NEO1: variants seen among roughly 807,000 people sequenced by gnomAD.
The protein encoded by NEO1 is neogenin 1.
A neutral mutation model predicts 159.7 loss-of-function variants in NEO1; 63 were observed. That is an observed-to-expected ratio of 0.39 (90% CI 0.32 to 0.49). NEO1 has a LOEUF of 0.49. Among genes scored for constraint, NEO1 ranks in the 20% least tolerant of loss-of-function variants. NEO1 has a pLI of 0.85. For missense variants in NEO1, 1,615 were observed against 1,831.0 expected, an observed-to-expected ratio of 0.88 and a Z score of 2.15; for synonymous variants, 633 against 662.0, an observed-to-expected ratio of 0.96 and a Z score of 0.67.
chr15:73,140,407 T>C (rs1233570535), intron 5 of NEO1, among the ~76,000 whole-genome samples: 1 of 151,850 alleles, frequency 6.6e-6, no homozygotes, highest in Non-Finnish European at 1.5e-5. Flanking sequence ...AATGAAAAAA[T>C]TAGCTAGGCA....
chr15:73,120,997 C>T (rs1475707732), intron 2 of NEO1, among the ~76,000 whole-genome samples: 2 of 152,030 alleles, frequency 1.3e-5, no homozygotes, highest in East Asian at 1.9e-4. Context: ...CATATTTTTT[C>T]GGAGCCAGTA....
intron 27 of NEO1, 144 bp from the exon 28 acceptor site, chr15:73,301,177 A>T: frequency 9.7e-7 from 1 of 1,032,014 alleles, no homozygotes; most frequent in Non-Finnish European, 1.4e-6. Flanking sequence ...CTTCCCTCTT[A>T]TTCCAGTAAC....
At chr15:73,073,529 GA>G (rs2068633307) in intron 1 of NEO1, among the ~76,000 whole-genome samples, 1 of 152,084 alleles carries the variant, frequency 6.6e-6, no homozygotes, top group South Asian at 2.1e-4. Flanking sequence ...AGTATGCAAG[GA>G]AAATGGGATA....
At chr15:73,193,578 A>G (rs1241824715) in intron 7 of NEO1, among the ~76,000 whole-genome samples, 2 of 148,260 alleles carry the variant, frequency 1.3e-5, no homozygotes, top group Non-Finnish European at 3.0e-5. Context: ...CAGATGTATC[A>G]TTTTGCTAGG....
intron 5 of NEO1, among the ~76,000 whole-genome samples, chr15:73,151,131 C>T (rs1185719262): frequency 6.6e-6 from 1 of 152,140 alleles, no homozygotes; most frequent in African/African-American, 2.4e-5. Flanking sequence ...GTCATTTTAA[C>T]TTTAGTCATC....
chr15:73,075,852 C>T (rs965927375), intron 1 of NEO1, among the ~76,000 whole-genome samples: 1 of 152,202 alleles, frequency 6.6e-6, no homozygotes, highest in African/African-American at 2.4e-5. Flanking sequence ...TCATCTGCTT[C>T]AACCCCTTCC....
chr15:73,285,781 A>G (rs2041921379), intron 23 of NEO1, among the ~76,000 whole-genome samples: 2 of 152,300 alleles, frequency 1.3e-5, no homozygotes, highest in Non-Finnish European at 1.5e-5. Context: ...TGAAGAAGGC[A>G]GAAGCTGTCA....
Position 73,057,013 on chromosome 15 carries a change from C to T in NEO1, c.130+4208C>T, listed in dbSNP as rs546908592. Reference sequence around the variant, plus strand: ...TGATGTGAGATAGTGAAAAGACATACATGAAGGCAGAGGATATGGGGTATG... The same window carrying T: ...TGATGTGAGATAGTGAAAAGACATATATGAAGGCAGAGGATATGGGGTATG... On this transcript the variant is annotated intron_variant, in intron 1 of 28. Transcript: ENST00000261908. 2.0e-4 allele frequency among the ~76,000 whole-genome samples: 31 copies of T among 152,212 alleles called. 1 individual carries two copies. The South Asian group carries it at 5.6e-3, about 28-fold the overall frequency.
chr15:73,254,581 T>C (rs2040244362), intron 12 of NEO1, 101 bp from the exon 13 acceptor site: 1 of 1,263,838 alleles, frequency 7.9e-7, no homozygotes, highest in Non-Finnish European at 1.1e-6. Context: ...GCTGCCTCTA[T>C]GTTTTTTCTC....
intron 1 of NEO1, among the ~76,000 whole-genome samples, chr15:73,076,692 C>G (rs536086699): frequency 2.6e-5 from 4 of 152,294 alleles, no homozygotes; most frequent in Non-Finnish European, 5.9e-5. Flanking sequence ...TCCTCACACC[C>G]CAAAGCAGTC....
intron 26 of NEO1, among the ~76,000 whole-genome samples, chr15:73,297,485 T>C (rs1222448741): frequency 6.6e-6 from 1 of 152,240 alleles, no homozygotes; most frequent in Non-Finnish European, 1.5e-5. Context: ...CAAAGAATTA[T>C]GTGTTATTCT....
chr15:73,298,388 C>T lies in NEO1; in HGVS notation c.3942C>T (p.Ala1314=). ...CCCCCAGCACTGACACCATGCCAGC[C>T]TCTTCGTCTCAAACATGCTGCACTG... ...RNTPSTDTMP[A]SSSQTCCTDH... The change falls in exon 27 of 29, where the codon GCC becomes GCT. Residue 1314 remains alanine, a synonymous_variant. Coordinates refer to ENST00000261908, the MANE Select transcript of NEO1 (RefSeq NM_002499.4). 6.2e-7 allele frequency: 1 copy of T among 1,614,234 alleles called. No homozygotes were observed. The highest frequency in any genetic ancestry group is 8.5e-7 in the Non-Finnish European group (1 of 1,180,038).
In NEO1 at chr15:73,122,672, T is replaced by C; in HGVS notation, c.596T>C (p.Ile199Thr). Residue 199 changes from isoleucine (I) to threonine (T), a missense_variant, in exon 3 of 29, where the codon ATC (isoleucine) becomes ACC (threonine). By Grantham distance (89) the Ile-to-Thr change is moderately conservative. Transcript: ENST00000261908. The part of the protein sequence containing the change: ...RQPLLLDDRV[I>T]KLPSGMLVIS... ...CCCCTTCTTCTGGATGATAGAGTTA[T>C]CAAACTTCCAAGTGGAATGCTGGTT... 6.2e-7 allele frequency: 1 copy of C among 1,614,122 alleles called. No individual in the cohort carries two copies. Among genetic ancestry groups the C allele is most frequent in the South Asian group, 1.1e-5 (1 of 91,078 alleles).
intron 1 of NEO1, among the ~76,000 whole-genome samples, chr15:73,101,261 G>C (rs2070385788): frequency 6.6e-6 from 1 of 152,150 alleles, no homozygotes; most frequent in Admixed American, 6.5e-5. Flanking sequence ...AAATATCTTA[G>C]GATTTTCCAG....
At chr15:73,264,262 C>T (rs2040780961) in intron 15 of NEO1, among the ~76,000 whole-genome samples, 1 of 152,142 alleles carries the variant, frequency 6.6e-6, no homozygotes, top group Non-Finnish European at 1.5e-5. Flanking sequence ...TGTGAAACTC[C>T]TTTGCAGTAT....
At chr15:73,262,264 G>T (rs2040653495) in intron 15 of NEO1, among the ~76,000 whole-genome samples, 1 of 152,138 alleles carries the variant, frequency 6.6e-6, no homozygotes, top group Non-Finnish European at 1.5e-5. Flanking sequence ...TGATAAATTG[G>T]ATTTCATCAA....
At chr15:73,205,977 G>A (rs563295040) in intron 7 of NEO1, among the ~76,000 whole-genome samples, 137 of 151,734 alleles carry the variant, frequency 9.0e-4, no homozygotes, top group Non-Finnish European at 1.8e-3. Context: ...GTGCGATCTC[G>A]GCTCACTGCA....
At chr15:73,293,259 G>A (rs970303393) in intron 25 of NEO1, 131 bp from the exon 26 acceptor site, 3 of 1,027,982 alleles carry the variant, frequency 2.9e-6, no homozygotes, top group Non-Finnish European at 4.4e-6. Context: ...CTAGCCAGCT[G>A]CCACCAAAAA....
intron 7 of NEO1, among the ~76,000 whole-genome samples, chr15:73,223,378 G>T (rs1479245038): frequency 6.6e-6 from 1 of 152,152 alleles, no homozygotes; most frequent in Non-Finnish European, 1.5e-5. Flanking sequence ...TGTCAGTGGA[G>T]TATTGAAGTC....
Sources: allele counts gnomAD v4.1 joint callset (sites outside exome capture counted in the v4.1 genomes callset), GRCh38; gene constraint gnomAD v4.1.1; transcripts MANE v1.5; gene names NCBI Gene and HGNC (gene_info 2026-07-23, HGNC 2026-07-21).